Variants in PPIL6 observed in about 807,000 individuals in gnomAD.
PPIL6 encodes probable inactive peptidyl-prolyl cis-trans isomerase-like 6.
A neutral mutation model predicts 36.8 loss-of-function variants in PPIL6; 39 were observed. The ratio of observed to expected loss-of-function variants is 1.06; its 90% CI spans 0.82 to 1.38. PPIL6 has a LOEUF of 1.38. Among genes scored for constraint, PPIL6 ranks in the 40% most tolerant of loss-of-function variants. PPIL6 has a pLI of 0.00. For missense variants in PPIL6, 368 were observed against 379.1 expected, an observed-to-expected ratio of 0.97 and a Z score of 0.24; for synonymous variants, 123 against 134.1, an observed-to-expected ratio of 0.92 and a Z score of 0.57.
At chr6:109,398,181 C>T (rs535161635) in intron 7 of PPIL6, among the ~76,000 whole-genome samples, 108 of 152,272 alleles carry the variant, frequency 7.1e-4, no homozygotes, top group African/African-American at 2.4e-3. Flanking sequence ...TGAGCCACCG[C>T]GTCCAGCCTT....
intron 6 of PPIL6, among the ~76,000 whole-genome samples, chr6:109,409,667 GATAA>G (rs766106660): frequency 4.9e-4 from 74 of 151,870 alleles, no homozygotes; most frequent in Non-Finnish European, 9.0e-4. Flanking sequence ...TATTAGAACT[GATAA>G]ATAAATTTAG....
At chr6:109,393,585 A>G (rs1182310168) in intron 7 of PPIL6, among the ~76,000 whole-genome samples, 1 of 152,004 alleles carries the variant, frequency 6.6e-6, no homozygotes, top group East Asian at 1.9e-4. Context: ...CACGACAGTA[A>G]TTTCCCATTA....
At position 109,413,421 on chromosome 6, in the gene PPIL6, T is replaced by G. The variant is rs1258622793; in HGVS notation, c.688+5766A>C. Among the ~76,000 whole-genome samples, 1 of 152,110 alleles carries G rather than the reference T, an allele frequency of 6.6e-6. No individual in the cohort carries two copies. Among genetic ancestry groups the G allele is most frequent in the Non-Finnish European group, 1.5e-5 (1 of 68,010 alleles). On this transcript the variant is annotated intron_variant, in intron 6 of 7. Transcript: ENST00000521072. The surrounding 1 kb of genome is among the most constrained non-coding windows in gnomAD (Gnocchi z 4.6). Reference sequence around the variant, plus strand: ...CCCAAACTACAACGAGATATCTCACTCCAGTTAAAATGGCTTTTATCCAAA... The same window carrying G: ...CCCAAACTACAACGAGATATCTCACGCCAGTTAAAATGGCTTTTATCCAAA...
chr6:109,395,032 A>G (rs1772238299), intron 7 of PPIL6, among the ~76,000 whole-genome samples: 1 of 152,050 alleles, frequency 6.6e-6, no homozygotes, highest in Admixed American at 6.6e-5. Flanking sequence ...CACCCCTCCA[A>G]CCAGTTCCCA....
chr6:109,419,000 T>A (rs1773407190), intron 6 of PPIL6, among the ~76,000 whole-genome samples, 187 bp downstream of exon 6: 1 of 152,200 alleles, frequency 6.6e-6, no homozygotes, highest in African/African-American at 2.4e-5. Context: ...GTGAAAAAAA[T>A]ATGTGTGTAT....
At chr6:109,440,350 G>T in intron 1 of PPIL6, 106 bp downstream of exon 1, 1 of 1,360,974 alleles carries the variant, frequency 7.3e-7, no homozygotes, top group Non-Finnish European at 1.0e-6. Flanking sequence ...TCGGCCGGTG[G>T]GGCCTCGACC....
At chr6:109,405,080 T>C (rs1270940565) in intron 6 of PPIL6, 1 of 393,326 alleles carries the variant, frequency 2.5e-6, no homozygotes, top group Non-Finnish European at 4.9e-6. Flanking sequence ...AGATATCTTT[T>C]CATAACCTTT....
intron 2 of PPIL6, among the ~76,000 whole-genome samples, chr6:109,434,711 G>A (rs1053525987): frequency 1.3e-5 from 2 of 152,132 alleles, no homozygotes; most frequent in African/African-American, 4.8e-5. Context: ...CTGGTCAAGG[G>A]AAATGAGGTT....
chr6:109,399,550 A>G (rs755055768), intron 7 of PPIL6, among the ~76,000 whole-genome samples: 8 of 152,156 alleles, frequency 5.3e-5, no homozygotes, highest in Non-Finnish European at 1.2e-4. Flanking sequence ...TTACAGGCAC[A>G]TGCCATCATG....
intron 6 of PPIL6, among the ~76,000 whole-genome samples, chr6:109,401,151 C>T (rs961524771): frequency 3.3e-5 from 5 of 150,832 alleles, no homozygotes; most frequent in African/African-American, 1.2e-4. Context: ...GCTGGGATTA[C>T]AGGCGTAAGC....
chr6:109,416,059 T>G (rs1166842679), intron 6 of PPIL6, among the ~76,000 whole-genome samples: 1 of 152,174 alleles, frequency 6.6e-6, no homozygotes, highest in Non-Finnish European at 1.5e-5. Flanking sequence ...TGGCAGTTGG[T>G]GTTTAGGTTA....
In PPIL6 at chr6:109,440,489, G is replaced by T. The variant is rs1774780700; in HGVS notation, c.102C>A (p.Cys34Ter). Residue 34 changes from cysteine to a stop codon, truncating the protein, a stop_gained, in exon 1 of 8, where the codon TGC becomes TGA. Coordinates refer to ENST00000521072, the MANE Select transcript of PPIL6 (RefSeq NM_173672.5). LOFTEE classifies it high-confidence loss of function. The part of the protein sequence containing the change: ...LQVKVVGLFS[C>*]PNFQIAKSAA... ...CGCTCTTCGCAATCTGAAAGTTGGGGCAGCTGAAGAGCCCCACCACCTTCA... is the reference window on the plus strand; with the variant it reads ...CGCTCTTCGCAATCTGAAAGTTGGGTCAGCTGAAGAGCCCCACCACCTTCA... 6.5e-7 allele frequency: 1 copy of T among 1,539,296 alleles called. No homozygotes were observed. The highest frequency in any genetic ancestry group is 2.5e-5 in the East Asian group (1 of 39,812).
At chr6:109,432,899 C>A (rs1160486307) in intron 2 of PPIL6, among the ~76,000 whole-genome samples, 1 of 152,098 alleles carries the variant, frequency 6.6e-6, no homozygotes, top group Non-Finnish European at 1.5e-5. Flanking sequence ...GATTTAATAT[C>A]CTATTGCTTG....
At chr6:109,435,721 T>C (rs1477493208) in intron 2 of PPIL6, among the ~76,000 whole-genome samples, 1 of 152,136 alleles carries the variant, frequency 6.6e-6, no homozygotes, top group African/African-American at 2.4e-5. Flanking sequence ...GCTCAGGAGT[T>C]TGAGACTACC....
At position 109,391,528 on chromosome 6, in the gene PPIL6, G is replaced by GA. The variant is rs1289767391; in HGVS notation, c.*1297dup. On this transcript the variant is annotated 3_prime_UTR_variant, in exon 8 of 8. Coordinates refer to ENST00000521072, the MANE Select transcript of PPIL6 (RefSeq NM_173672.5). ...CTGGGGAAAGAGCTAAATGAACACA[G>GA]AATCTGTGCCCCACGCCTGGGAACC... 2 of 151,776 alleles carry GA rather than the reference G, an allele frequency of 1.3e-5. No homozygotes were observed. Among genetic ancestry groups the GA allele is most frequent in the East Asian group, 3.9e-4 (2 of 5,162 alleles). The allele number at this position is 151,776 out of a possible 1,614,324, so 9.4% of individuals were successfully genotyped here. A position where few individuals can be genotyped will look rare whatever the true frequency, so the allele number is the denominator to read the frequency against.
At chr6:109,403,115 T>C in intron 6 of PPIL6, 1 of 1,491,956 alleles carries the variant, frequency 6.7e-7, no homozygotes, top group Non-Finnish European at 8.9e-7. Flanking sequence ...AGCTCTAAAA[T>C]TAAAGAGCTA....
At chr6:109,412,461 G>A (rs540197314) in intron 6 of PPIL6, among the ~76,000 whole-genome samples, 3 of 152,216 alleles carry the variant, frequency 2.0e-5, no homozygotes, top group South Asian at 2.1e-4. Context: ...AGAACAAAAC[G>A]GAAGGAATCA....
At position 109,392,922 on chromosome 6, in the gene PPIL6, T is replaced by A; in HGVS notation, c.840A>T (p.Gly280=). The change falls in exon 8 of 8, where the codon GGA becomes GGT. Residue 280 remains glycine (G), a synonymous_variant. Transcript: ENST00000521072. ...ATTCTAGTTGTTTAAGCACTTCTGT[T>A]CCTTCAATCAGTTGCCTACATAGGA... ...KFVAFGQLIE[G]TEVLKQLELV... 6.2e-7 allele frequency: 1 copy of A among 1,607,454 alleles called. No homozygotes were observed. Among genetic ancestry groups the A allele is most frequent in the Non-Finnish European group, 8.5e-7 (1 of 1,176,184 alleles).
At chr6:109,395,947 C>T (rs1204469915) in intron 7 of PPIL6, among the ~76,000 whole-genome samples, 3 of 151,628 alleles carry the variant, frequency 2.0e-5, no homozygotes, top group Non-Finnish European at 4.4e-5. Context: ...ACCATTCTGC[C>T]TCAGTCTCCC....
Sources: allele counts gnomAD v4.1 joint callset (sites outside exome capture counted in the v4.1 genomes callset), GRCh38; gene constraint gnomAD v4.1.1; non-coding constraint Gnocchi (gnomAD v3.1); transcripts MANE v1.5; gene names NCBI Gene and HGNC (gene_info 2026-07-23, HGNC 2026-07-21).